Variants in CCSER1 observed in about 807,000 individuals in gnomAD.
CCSER1 encodes the protein coiled-coil serine rich protein 1, also known as serine-rich coiled-coil domain-containing protein 1.
CCSER1 carries 41 observed loss-of-function variants against 82.0 expected under a neutral mutation model. The ratio of observed to expected loss-of-function variants is 0.50; its 90% CI spans 0.39 to 0.65. The LOEUF (loss-of-function observed/expected upper bound fraction) is 0.65. Among genes scored for constraint, CCSER1 ranks in the 30% least tolerant of loss-of-function variants. CCSER1 has a pLI of 0.00. For missense variants in CCSER1, 1,119 were observed against 1,064.2 expected (o/e 1.05, Z -0.72); for synonymous variants, 414 against 383.9 (o/e 1.08, Z -0.92).
At chr4:90,873,310 G>C (rs1158979217) in intron 8 of CCSER1, among the ~76,000 whole-genome samples, 2 of 151,802 alleles carry the variant, frequency 1.3e-5, no homozygotes, top group South Asian at 2.1e-4. Context: ...TTTTCAAATA[G>C]AGTGTGTTCA....
At chr4:90,351,444 C>G (rs1217001800) in intron 3 of CCSER1, among the ~76,000 whole-genome samples, 2 of 151,806 alleles carry the variant, frequency 1.3e-5, no homozygotes, top group Non-Finnish European at 2.9e-5. Context: ...GGAGAAATCT[C>G]AAGTTGGAAA....
chr4:90,528,891 T>C (rs1211761413), intron 5 of CCSER1, among the ~76,000 whole-genome samples: 2 of 152,324 alleles, frequency 1.3e-5, no homozygotes, highest in East Asian at 1.9e-4. Context: ...GAATCATGCC[T>C]TATCTCACTG....
chr4:91,564,349 G>A (rs1578800543), intron 10 of CCSER1, among the ~76,000 whole-genome samples: 1 of 151,822 alleles, frequency 6.6e-6, no homozygotes, highest in East Asian at 1.9e-4. Context: ...GTGCCACAAT[G>A]AACATACCCG....
chr4:90,247,610 T>A (rs1366114265), intron 1 of CCSER1, among the ~76,000 whole-genome samples: 1 of 152,152 alleles, frequency 6.6e-6, no homozygotes, highest in Non-Finnish European at 1.5e-5. Context: ...TTAGTACTGC[T>A]ACTTTGAATT....
At chr4:90,779,140 T>C (rs1293916227) in intron 7 of CCSER1, among the ~76,000 whole-genome samples, 4 of 152,180 alleles carry the variant, frequency 2.6e-5, no homozygotes, top group African/African-American at 9.7e-5. Flanking sequence ...TAAGATAAAG[T>C]CTAAGAAGCA....
At chr4:90,707,379 T>G (rs1471084229) in intron 6 of CCSER1, among the ~76,000 whole-genome samples, 1 of 152,064 alleles carries the variant, frequency 6.6e-6, no homozygotes, top group Non-Finnish European at 1.5e-5. Flanking sequence ...ACACTTCAAA[T>G]GTGTACATGT....
chr4:91,363,651 T>G (rs1560613545), intron 10 of CCSER1, among the ~76,000 whole-genome samples: 1 of 151,670 alleles, frequency 6.6e-6, no homozygotes, highest in Non-Finnish European at 1.5e-5. Flanking sequence ...ATATCTCCAG[T>G]TAGAGCTTTT....
intron 1 of CCSER1, among the ~76,000 whole-genome samples, chr4:90,212,184 A>G (rs1458304035): frequency 1.3e-5 from 2 of 152,180 alleles, no homozygotes; most frequent in South Asian, 2.1e-4. Context: ...AAATATTCCC[A>G]CATATTCACT....
chr4:91,422,652 C>T (rs1474625720), intron 10 of CCSER1, among the ~76,000 whole-genome samples: 1 of 151,922 alleles, frequency 6.6e-6, no homozygotes, highest in African/African-American at 2.4e-5. Flanking sequence ...AAAAAGAATT[C>T]CAGTATATTT....
At chr4:91,392,167 G>A (rs781778536) in intron 10 of CCSER1, among the ~76,000 whole-genome samples, 2 of 151,946 alleles carry the variant, frequency 1.3e-5, no homozygotes, top group African/African-American at 4.8e-5. Context: ...CAGGGTAAAA[G>A]TATTTTAAAA....
chr4:91,493,448 G>GA (rs70937005), intron 10 of CCSER1, among the ~76,000 whole-genome samples: 1 of 151,248 alleles, frequency 6.6e-6, no homozygotes, highest in Admixed American at 6.6e-5. Context: ...TGTTTATTAT[G>GA]AAAAAAAATA....
chr4:90,889,711 C>T (rs752169656), intron 8 of CCSER1, among the ~76,000 whole-genome samples: 6 of 151,996 alleles, frequency 3.9e-5, no homozygotes, highest in Non-Finnish European at 8.8e-5. Context: ...AGGAGATGTG[C>T]CGTTTTACAT....
chr4:90,857,278 C>T (rs754509983), intron 8 of CCSER1, among the ~76,000 whole-genome samples: 1 of 152,034 alleles, frequency 6.6e-6, no homozygotes, highest in East Asian at 1.9e-4. Context: ...CAAGCTCAGT[C>T]ACATGGTCTT....
chr4:90,395,327 A>G (rs1242797318), intron 3 of CCSER1, among the ~76,000 whole-genome samples: 1 of 152,256 alleles, frequency 6.6e-6, no homozygotes, highest in Non-Finnish European at 1.5e-5. Flanking sequence ...GTATGCTTCC[A>G]TTAAAACTGA....
intron 1 of CCSER1, among the ~76,000 whole-genome samples, chr4:90,238,035 A>G (rs1162876185): frequency 2.0e-5 from 3 of 152,228 alleles, no homozygotes; most frequent in Admixed American, 2.0e-4. Context: ...AGCCTTCAAC[A>G]GCAGAAAGAG....
At chr4:90,345,962 A>G (rs932936252) in intron 3 of CCSER1, among the ~76,000 whole-genome samples, 3 of 152,014 alleles carry the variant, frequency 2.0e-5, no homozygotes, top group African/African-American at 7.2e-5. Context: ...ACCTGTCTTC[A>G]TAGTCTCCTT....
intron 10 of CCSER1, among the ~76,000 whole-genome samples, chr4:91,098,085 G>T (rs1351613820): frequency 1.3e-5 from 2 of 152,028 alleles, no homozygotes; most frequent in Non-Finnish European, 2.9e-5. Flanking sequence ...TCTTTTCCCA[G>T]CCCTGTTTTA....
intron 6 of CCSER1, among the ~76,000 whole-genome samples, chr4:90,635,939 T>G (rs1363026337): frequency 6.6e-6 from 1 of 151,394 alleles, no homozygotes; most frequent in Admixed American, 6.6e-5. Flanking sequence ...GAAGGGCAAA[T>G]TAAATCCAAA....
At chr4:91,532,846 G>C (rs1344668034) in intron 10 of CCSER1, among the ~76,000 whole-genome samples, 1 of 151,158 alleles carries the variant, frequency 6.6e-6, no homozygotes, top group Non-Finnish European at 1.5e-5. Flanking sequence ...CTGCAGCCTG[G>C]ATGACAGAAT....
Sources: gnomAD v4.1 joint callset for allele counts (sites outside exome capture counted in the v4.1 genomes callset) on GRCh38, gnomAD v4.1.1 for gene constraint, MANE v1.5 for transcripts, NCBI Gene and HGNC (gene_info 2026-07-23, HGNC 2026-07-21) for gene names.